Variants in VAT1L observed in about 807,000 individuals in gnomAD.
VAT1L encodes vesicle amine transport 1 like.
In VAT1L, 34 loss-of-function variants were observed where a neutral mutation model predicts 44.1. That is an observed-to-expected ratio of 0.77 (90% CI 0.59 to 1.03). VAT1L has a LOEUF of 1.03. VAT1L is among the 50% of genes least tolerant of loss of function. The pLI is 0.00. For synonymous variants in VAT1L, 253 were observed against 202.2 expected (o/e 1.25, Z -2.13); for missense variants, 615 against 538.8 (o/e 1.14, Z -1.40).
intron 7 of VAT1L, among the ~76,000 whole-genome samples, chr16:77,888,990 T>A (rs2017236731): frequency 6.6e-6 from 1 of 152,190 alleles, no homozygotes; most frequent in African/African-American, 2.4e-5. Context: ...AGACATCTGT[T>A]TGGAGCTGCA....
intron 7 of VAT1L, among the ~76,000 whole-genome samples, chr16:77,935,219 T>C (rs17637402): frequency 0.055 from 8,361 of 152,282 alleles, 306 homozygotes; most frequent in Non-Finnish European, 0.082. Flanking sequence ...TTTTAGGTTG[T>C]AGGAGATGTC....
At chr16:77,889,144 T>G (rs2017238055) in intron 7 of VAT1L, among the ~76,000 whole-genome samples, 1 of 152,198 alleles carries the variant, frequency 6.6e-6, no homozygotes, top group South Asian at 2.1e-4. Context: ...CAAAATTGCT[T>G]CTCAATCCAG....
At chr16:77,865,253 G>T in intron 4 of VAT1L, among the ~76,000 whole-genome samples, 1 of 152,148 alleles carries the variant, frequency 6.6e-6, no homozygotes, top group East Asian at 1.9e-4. Context: ...TATTACAGGT[G>T]TGACTGCGCC....
intron 7 of VAT1L, among the ~76,000 whole-genome samples, chr16:77,967,057 T>G (rs1468508147): frequency 6.6e-6 from 1 of 151,452 alleles, no homozygotes; most frequent in Non-Finnish European, 1.5e-5. Context: ...CTGGGCACTG[T>G]CACCCCCGCC....
intron 7 of VAT1L, among the ~76,000 whole-genome samples, chr16:77,895,331 C>T (rs2017312456): frequency 9.8e-6 from 1 of 101,924 alleles, no homozygotes. Flanking sequence ...TAAAGATGTC[C>T]ACATCCTAAT....
intron 3 of VAT1L, among the ~76,000 whole-genome samples, chr16:77,859,890 T>C (rs2016898460): frequency 6.6e-6 from 1 of 152,098 alleles, no homozygotes; most frequent in African/African-American, 2.4e-5. Flanking sequence ...CAAATTCATA[T>C]GTTGAAGCCC....
At chr16:77,934,254 G>A (rs373601801) in intron 7 of VAT1L, among the ~76,000 whole-genome samples, 6 of 152,002 alleles carry the variant, frequency 3.9e-5, no homozygotes, top group African/African-American at 1.4e-4. Flanking sequence ...AAACCCCTAG[G>A]TTTTTGGCCT....
chr16:77,891,771 G>A (rs373378048), intron 7 of VAT1L, among the ~76,000 whole-genome samples: 1 of 152,112 alleles, frequency 6.6e-6, no homozygotes, highest in African/African-American at 2.4e-5. Flanking sequence ...GGACAAGAGG[G>A]TAACTTGATA....
chr16:77,891,311 G>A (rs1470341071), intron 7 of VAT1L, among the ~76,000 whole-genome samples: 6 of 151,474 alleles, frequency 4.0e-5, no homozygotes, highest in East Asian at 2.0e-4. Context: ...CCGAGATCGC[G>A]CCACTGCACT....
chr16:77,858,118 C>T (rs1388672559), intron 3 of VAT1L, among the ~76,000 whole-genome samples: 1 of 152,150 alleles, frequency 6.6e-6, no homozygotes, highest in African/African-American at 2.4e-5. Flanking sequence ...ACAGTCCCTG[C>T]CCCCACAGAG....
intron 6 of VAT1L, chr16:77,882,468 T>A (rs1423648630): frequency 6.6e-6 from 1 of 152,226 alleles, no homozygotes; most frequent in African/African-American, 2.4e-5. Flanking sequence ...TGGTGTATGT[T>A]TATAGAGCAC....
Position 77,877,512 on chromosome 16 carries a change from C to CAAA in VAT1L, c.826+1068_826+1070dup, listed in dbSNP as rs55704400. On this transcript the variant is annotated intron_variant, in intron 5 of 8. Transcript: ENST00000302536. The stretch of plus-strand genomic sequence containing the variant: ...TGGGCGACAGAGCGGGACTCTGTCT[C>CAAA]AAAAAAAAAAAAAAAAAAAAAAAAA... Among the ~76,000 whole-genome samples the CAAA allele has an allele frequency of 3.4e-3, 299 of 86,724 alleles. 12 individuals carry two copies. The highest frequency in any genetic ancestry group is 4.2e-3 in the Non-Finnish European group (169 of 40,104). 56.9% of individuals were successfully genotyped at this position (86,724 alleles called of 152,430 possible).
At chr16:77,794,503 C>T (rs1242010378) in intron 1 of VAT1L, among the ~76,000 whole-genome samples, 1 of 152,220 alleles carries the variant, frequency 6.6e-6, no homozygotes, top group Admixed American at 6.5e-5. Flanking sequence ...TTACCTTGAT[C>T]AGGCCATTGC....
At chr16:77,872,711 A>G (rs941356130) in intron 4 of VAT1L, among the ~76,000 whole-genome samples, 5 of 151,952 alleles carry the variant, frequency 3.3e-5, no homozygotes, top group African/African-American at 9.7e-5. Context: ...TCATCTTCCA[A>G]TGCTCGTAAG....
At chr16:77,833,456 T>C (rs1334095162) in intron 3 of VAT1L, among the ~76,000 whole-genome samples, 1 of 152,150 alleles carries the variant, frequency 6.6e-6, no homozygotes, top group African/African-American at 2.4e-5. Flanking sequence ...AGGTTCTTCA[T>C]GAAAAGTGGT....
intron 7 of VAT1L, among the ~76,000 whole-genome samples, chr16:77,967,170 CAG>C (rs1290935613): frequency 6.6e-6 from 1 of 152,120 alleles, no homozygotes; most frequent in Admixed American, 6.5e-5. Context: ...GTGTTGACAA[CAG>C]AGGAAGGGGA....
chr16:77,973,787 G>C (rs1488153285), intron 8 of VAT1L, among the ~76,000 whole-genome samples: 2 of 151,516 alleles, frequency 1.3e-5, no homozygotes, highest in Non-Finnish European at 2.9e-5. Context: ...GTGCAGTGGT[G>C]CGATCTTGGC....
chr16:77,868,806 G>A (rs191906607), intron 4 of VAT1L, among the ~76,000 whole-genome samples: 248 of 152,286 alleles, frequency 1.6e-3, no homozygotes, highest in Non-Finnish European at 2.9e-3. Context: ...GGATCATTCT[G>A]CTATCGGTGG....
intron 7 of VAT1L, among the ~76,000 whole-genome samples, chr16:77,933,776 C>A (rs542428547): frequency 6.6e-6 from 1 of 152,236 alleles, no homozygotes; most frequent in East Asian, 1.9e-4. Context: ...AACAATAAGG[C>A]AAATACGACT....
Sources: allele counts gnomAD v4.1 joint callset (sites outside exome capture counted in the v4.1 genomes callset), GRCh38; gene constraint gnomAD v4.1.1; transcripts MANE v1.5; gene names NCBI Gene and HGNC (gene_info 2026-07-23, HGNC 2026-07-21).